Variants in WIPF3 observed in about 807,000 individuals in gnomAD.
WIPF3 encodes the protein WAS/WASL interacting protein family member 3, also known as WAS/WASL-interacting protein family member 3.
A neutral mutation model predicts 38.9 loss-of-function variants in WIPF3; 33 were observed. The observed-to-expected ratio is 0.85, with a 90% confidence interval of 0.64 to 1.14. The LOEUF is 1.14. Ranked by LOEUF, WIPF3 falls within the 50% of genes most tolerant of loss-of-function variation. The pLI is 0.00. For missense variants in WIPF3, 711 were observed against 652.5 expected (o/e 1.09, Z -0.98); for synonymous variants, 324 against 269.3 (o/e 1.20, Z -1.99).
intron 2 of WIPF3, among the ~76,000 whole-genome samples, chr7:29,847,732 A>G (rs1785024450): frequency 6.6e-6 from 1 of 152,166 alleles, no homozygotes; most frequent in African/African-American, 2.4e-5. Context: ...CAAACAAAAC[A>G]GGTCAGATAA....
intron 7 of WIPF3, among the ~76,000 whole-genome samples, chr7:29,892,137 C>G (rs192056827): frequency 2.0e-5 from 3 of 152,276 alleles, no homozygotes; most frequent in Admixed American, 2.0e-4. Flanking sequence ...CTTAGGTTCC[C>G]CAACAGCAGG....
chr7:29,912,999 T>C (rs2128082376), intron 8 of WIPF3, among the ~76,000 whole-genome samples: 1 of 152,356 alleles, frequency 6.6e-6, no homozygotes, highest in East Asian at 1.9e-4. Flanking sequence ...TACTGATGAT[T>C]GGTTGCAAAA....
chr7:29,895,781 A>G (rs1049420390), intron 7 of WIPF3, among the ~76,000 whole-genome samples: 3 of 152,218 alleles, frequency 2.0e-5, no homozygotes, highest in African/African-American at 7.2e-5. Flanking sequence ...AGATCTTGCA[A>G]GAATTCACTA....
chr7:29,834,748 A>ACCCCC lies in WIPF3; in HGVS notation c.26_27insCCCCC (p.Pro12LeufsTer22). 1 of 1,081,420 alleles carries ACCCCC rather than the reference A, an allele frequency of 9.2e-7. No individual in the cohort carries two copies. Among genetic ancestry groups the ACCCCC allele is most frequent in the Non-Finnish European group, 1.1e-6 (1 of 871,546 alleles). 67.0% of individuals were successfully genotyped at this position (1,081,420 alleles called of 1,614,324 possible). A position where few individuals can be genotyped will look rare whatever the true frequency, so the allele number is the denominator to read the frequency against. On this transcript the variant is annotated frameshift_variant, in exon 2 of 9. Coordinates refer to ENST00000242140, the MANE Select transcript of WIPF3 (RefSeq NM_001080529.3). LOFTEE classifies it high-confidence loss of function. ...ACATGCCAGTGCCACCGCCACCCCC[A>ACCCCC]CCTCCTCTGCCTCCACCTCCCCCGC...
At chr7:29,857,862 A>G (rs1409218176) in intron 2 of WIPF3, among the ~76,000 whole-genome samples, 1 of 152,210 alleles carries the variant, frequency 6.6e-6, no homozygotes, top group African/African-American at 2.4e-5. Context: ...CCACACATGC[A>G]CAGCCTCTCC....
chr7:29,832,412 C>G (rs1784736908), intron 1 of WIPF3, among the ~76,000 whole-genome samples: 1 of 152,112 alleles, frequency 6.6e-6, no homozygotes, highest in Admixed American at 6.5e-5. Flanking sequence ...TTTAGTGCAC[C>G]ATTAGTTTAG....
Position 29,884,333 on chromosome 7 carries a change from C to T in WIPF3, c.839C>T (p.Ala280Val). Residue 280 changes from alanine (A) to valine (V), a missense_variant, in exon 5 of 9, where the codon GCC becomes GTC. Physicochemically the swap from Ala to Val is moderately conservative, Grantham distance 64 (BLOSUM62 0). Coordinates refer to ENST00000242140, the MANE Select transcript of WIPF3 (RefSeq NM_001080529.3). ...CGYPGLKAEP[A>V]SPAQDAQEPP... is the part of the protein sequence containing the mutation. ...TATCCGGGGCTCAAAGCGGAGCCCGCCAGCCCTGCGCAAGATGCGCAGGAG... is the reference window on the plus strand; with the variant it reads ...TATCCGGGGCTCAAAGCGGAGCCCGTCAGCCCTGCGCAAGATGCGCAGGAG... 1 of 1,533,956 alleles carries T rather than the reference C, an allele frequency of 6.5e-7. No individual in the cohort carries two copies. The highest frequency in any genetic ancestry group is 8.8e-7 in the Non-Finnish European group (1 of 1,138,954).
chr7:29,900,966 C>T (rs1786263603), intron 7 of WIPF3, among the ~76,000 whole-genome samples: 2 of 152,202 alleles, frequency 1.3e-5, no homozygotes, highest in African/African-American at 4.8e-5. Context: ...ACAGGAATTG[C>T]AGCCCAGGGC....
chr7:29,887,032 A>T (rs1199911405), intron 5 of WIPF3, among the ~76,000 whole-genome samples: 1 of 152,190 alleles, frequency 6.6e-6, no homozygotes, highest in African/African-American at 2.4e-5. Flanking sequence ...GAGGAAGAAA[A>T]GAAGATGAGC....
chr7:29,807,607 C>T (rs1418025669), intron 1 of WIPF3, among the ~76,000 whole-genome samples: 1 of 152,236 alleles, frequency 6.6e-6, no homozygotes, highest in Non-Finnish European at 1.5e-5. Context: ...GCGTGGGGAC[C>T]GTGTGTGCGC....
chr7:29,884,361 T>TCCCCCCCCCCCCCC lies in WIPF3; in HGVS notation c.870_871insCCCCCCCCCCCCCC (p.Ala291ProfsTer88). 3.8e-6 allele frequency: 5 copies of TCCCCCCCCCCCCCC among 1,317,926 alleles called. No homozygotes were observed. Among genetic ancestry groups the TCCCCCCCCCCCCCC allele is most frequent in the Non-Finnish European group, 3.9e-6 (4 of 1,017,962 alleles). 81.6% of individuals were successfully genotyped at this position (1,317,926 alleles called of 1,614,324 possible). A position where few individuals can be genotyped will look rare whatever the true frequency, so the allele number is the denominator to read the frequency against. ...GCCCTGCGCAAGATGCGCAGGAGCC[T>TCCCCCCCCCCCCCC]CCCGCCCCGCCGCCCCCGCTCCCCC... On this transcript the variant is annotated frameshift_variant, in exon 5 of 9. Transcript: ENST00000242140. LOFTEE classifies it high-confidence loss of function.
Position 29,884,264 on chromosome 7 carries a change from T to TGCCCCCCCCCCC in WIPF3, c.770_771insGCCCCCCCCCCC (p.Pro259_Ile260insProProProPro). 2.3e-6 allele frequency: 3 copies of TGCCCCCCCCCCC among 1,315,276 alleles called. No homozygotes were observed. The highest frequency in any genetic ancestry group is 1.3e-5 in the South Asian group (1 of 74,150). 81.5% of individuals were successfully genotyped at this position (1,315,276 alleles called of 1,614,324 possible). ...AAGCCTCAGCTGGCTCCCTTGCACC[T>TGCCCCCCCCCCC]CCCGCCCATCCCGCCCCCGCTCCCT... On this transcript the variant is annotated inframe_insertion, in exon 5 of 9. Coordinates refer to ENST00000242140, the MANE Select transcript of WIPF3 (RefSeq NM_001080529.3).
intron 8 of WIPF3, among the ~76,000 whole-genome samples, chr7:29,912,956 T>A (rs1439219293): frequency 6.6e-6 from 1 of 152,178 alleles, no homozygotes; most frequent in African/African-American, 2.4e-5. Context: ...CAGTCTCAGT[T>A]TTACAAGATG....
intron 8 of WIPF3, among the ~76,000 whole-genome samples, chr7:29,907,326 T>C (rs1036589840): frequency 1.3e-5 from 2 of 152,238 alleles, no homozygotes; most frequent in Non-Finnish European, 2.9e-5. Flanking sequence ...GCACACAGTA[T>C]ATAAAGATGT....
chr7:29,846,479 TC>T (rs1303891109), intron 2 of WIPF3, among the ~76,000 whole-genome samples: 1 of 152,192 alleles, frequency 6.6e-6, no homozygotes, highest in East Asian at 1.9e-4. Context: ...GGCAGGTGGA[TC>T]ACCTGAGGTC....
At chr7:29,836,376 T>A (rs1032150162) in intron 2 of WIPF3, among the ~76,000 whole-genome samples, 3 of 152,210 alleles carry the variant, frequency 2.0e-5, no homozygotes, top group Non-Finnish European at 1.5e-5. Context: ...GAGAAAATAA[T>A]CCTTTTTAAA....
chr7:29,896,538 C>T (rs1214476006), intron 7 of WIPF3, among the ~76,000 whole-genome samples: 1 of 152,144 alleles, frequency 6.6e-6, no homozygotes, highest in Non-Finnish European at 1.5e-5. Context: ...ATTGCTTGAG[C>T]CCGGGAGGTG....
At chr7:29,865,779 T>C (rs73686259) in intron 2 of WIPF3, among the ~76,000 whole-genome samples, 1 of 152,166 alleles carries the variant, frequency 6.6e-6, no homozygotes, top group Non-Finnish European at 1.5e-5. Context: ...CTGTGAGTCA[T>C]TGTTTCTCTA....
intron 1 of WIPF3, among the ~76,000 whole-genome samples, chr7:29,827,782 A>C (rs145183567): frequency 5.5e-4 from 84 of 152,254 alleles, no homozygotes; most frequent in African/African-American, 1.7e-3. Flanking sequence ...ATTCCTAGTC[A>C]AGTGTGTTAT....
Sources: allele counts gnomAD v4.1 joint callset (sites outside exome capture counted in the v4.1 genomes callset), GRCh38; gene constraint gnomAD v4.1.1; transcripts MANE v1.5; gene names NCBI Gene and HGNC (gene_info 2026-07-23, HGNC 2026-07-21).